The following LILRB2 variants were observed in gnomAD, a reference collection of about 807,000 sequenced individuals.
The protein encoded by LILRB2 is leukocyte immunoglobulin like receptor B2, also known as leukocyte immunoglobulin-like receptor subfamily B member 2.
A neutral mutation model predicts 72.7 loss-of-function variants in LILRB2; 47 were observed. That is an observed-to-expected ratio of 0.65 (90% CI 0.51 to 0.82). The LOEUF (loss-of-function observed/expected upper bound fraction) is 0.82. Among genes scored for constraint, LILRB2 ranks in the 40% least tolerant of loss-of-function variants. The probability of loss-of-function intolerance (pLI) is 0.00; values close to 1 mark genes in which losing one functional copy is unlikely to be tolerated. For synonymous variants in LILRB2, 279 were observed against 313.7 expected, an observed-to-expected ratio of 0.89 and a Z score of 1.17; for missense variants, 767 against 764.8, an observed-to-expected ratio of 1.00 and a Z score of -0.03.
At chr19:54,275,906 G>A (rs766133210) in intron 13 of LILRB2, 45 bp downstream of exon 13, 16 of 1,605,686 alleles carry the variant, frequency 1.0e-5, no homozygotes, top group Admixed American at 1.7e-5. Flanking sequence ...GATTAGATCT[G>A]GCACCAGGAG....
At chr19:54,275,232 C>T (rs1420528232) in intron 13 of LILRB2, 21 of 930,402 alleles carry the variant, frequency 2.3e-5, no homozygotes, top group East Asian at 1.3e-4. Context: ...GTGGTTCTGG[C>T]CTCTGCTCCT....
chr19:54,280,384 G>A (rs1007092262), intron 2 of LILRB2, 79 bp downstream of exon 2: 2 of 1,614,066 alleles, frequency 1.2e-6, no homozygotes, highest in Non-Finnish European at 1.7e-6. Flanking sequence ...AGCCCCTGGG[G>A]TCTCCTTAGG....
chr19:54,280,485 G>C lies in LILRB2; in HGVS notation c.12C>G (p.Ile4Met). MTP[I>M]VTVLICLGLS... ...CACCGAGACAGATCAGGACTGTGACGATGGGGGTCATGGCGTCTCCTCCCA... is the reference window on the plus strand; with the variant it reads ...CACCGAGACAGATCAGGACTGTGACCATGGGGGTCATGGCGTCTCCTCCCA... Residue 4 changes from isoleucine to methionine, a missense_variant, in exon 2 of 14, where the codon ATC becomes ATG. Around this residue, in one of 3 missense-constraint regions of LILRB2, gnomAD observed 599 missense variants for 568.2 expected, o/e 1.05. Transcript: ENST00000314446. The C allele has an allele frequency of 1.2e-6, 2 of 1,613,960 alleles. No homozygotes were observed. Among genetic ancestry groups the C allele is most frequent in the Non-Finnish European group, 1.7e-6 (2 of 1,179,980 alleles).
rs775424770 is a variant in LILRB2 at position 54,280,089 on chromosome 19, AAAGGTCAGATTCG to A, written c.71-27_71-15del. ...TGGGGATGGTCCCTGGAAGGAAATC[AAAGGTCAGATTCG>A]AAGTCATTTCCCACCCAACAGATCT... is the stretch of plus-strand genomic sequence containing the variant. On this transcript the variant is annotated splice_polypyrimidine_tract_variant and intron_variant, in intron 3 of 13. Coordinates refer to ENST00000314446, the MANE Select transcript of LILRB2 (RefSeq NM_001080978.4). The A allele has an allele frequency of 6.2e-7, 1 of 1,613,092 alleles. No individual in the cohort carries two copies. The highest frequency in any genetic ancestry group is 8.5e-7 in the Non-Finnish European group (1 of 1,179,506).
chr19:54,276,932 T>C lies in LILRB2; in HGVS notation c.1358-3A>G. On this transcript the variant is annotated splice_polypyrimidine_tract_variant and splice_region_variant and intron_variant, in intron 9 of 13. Coordinates refer to ENST00000314446, the MANE Select transcript of LILRB2 (RefSeq NM_001080978.4). ...AACCCCCAGGTGCCTTCCCAGACCT[T>C]GAGCACGATGATGTCAGGGATGGGG... The C allele has an allele frequency of 6.2e-7, 1 of 1,612,862 alleles. No individual in the cohort carries two copies. Among genetic ancestry groups the C allele is most frequent in the Non-Finnish European group, 8.5e-7 (1 of 1,179,396 alleles).
Position 54,278,841 on chromosome 19 carries a change from GGGGCCGAGCACTCA to G in LILRB2, c.912_925del (p.Glu305GlnfsTer54), listed in dbSNP as rs2080390932. The G allele has an allele frequency of 2.5e-6, 4 of 1,612,768 alleles. No individual in the cohort carries two copies. Among genetic ancestry groups the G allele is most frequent in the Non-Finnish European group, 3.4e-6 (4 of 1,179,634 alleles). ...GATCAGGATGTCCAGGGGGTCGCTG[GGGGCCGAGCACTCA>G]GAGGAGAGGTTGTGTGCACCGTAGC... is the stretch of plus-strand genomic sequence containing the variant. On this transcript the variant is annotated frameshift_variant, in exon 6 of 14. Transcript: ENST00000314446. LOFTEE classifies it high-confidence loss of function.
intron 13 of LILRB2, chr19:54,275,286 C>T (rs1336742990): frequency 2.6e-4 from 163 of 630,090 alleles, no homozygotes; most frequent in South Asian, 4.8e-4. Flanking sequence ...TGGGCCTTCC[C>T]GCAAGAGCTC....
In LILRB2 at chr19:54,280,046, CAGCCCACAGGGT is replaced by C; in HGVS notation, c.88_99del (p.Thr30_Ala33del). 1 of 1,614,078 alleles carries C rather than the reference CAGCCCACAGGGT, an allele frequency of 6.2e-7. No individual in the cohort carries two copies. Among genetic ancestry groups the C allele is most frequent in the Non-Finnish European group, 8.5e-7 (1 of 1,179,962 alleles). Reference sequence around the variant, plus strand: ...CCCTGGGTGATCACAGAGTCTGGCTCAGCCCACAGGGTGGGCTTGGGGATGGTCCCTGGAAGG... The same window carrying C: ...CCCTGGGTGATCACAGAGTCTGGCTCGGGCTTGGGGATGGTCCCTGGAAGG... On this transcript the variant is annotated inframe_deletion, in exon 4 of 14. Transcript: ENST00000314446.
intron 13 of LILRB2, chr19:54,275,625 A>G (rs546764642): frequency 8.0e-4 from 431 of 541,754 alleles, no homozygotes; most frequent in Admixed American, 1.7e-3. Context: ...CTCCCTGGGA[A>G]CACTCACTGG....
chr19:54,274,426 T>C lies in LILRB2; in HGVS notation c.*257A>G, dbSNP rs907902194. Reference sequence around the variant, plus strand: ...ATATTGTGATTCAGTTTAAAGCACATTCTTACTTCTGATTTTAGTTTTCTC... The same window carrying C: ...ATATTGTGATTCAGTTTAAAGCACACTCTTACTTCTGATTTTAGTTTTCTC... On this transcript the variant is annotated 3_prime_UTR_variant, in exon 14 of 14. Transcript: ENST00000314446. 10 of 584,036 alleles carry C rather than the reference T, an allele frequency of 1.7e-5. No individual in the cohort carries two copies. Among genetic ancestry groups the C allele is most frequent in the African/African-American group, 1.3e-4 (7 of 53,872 alleles). 36.2% of individuals were successfully genotyped at this position (584,036 alleles called of 1,614,324 possible).
chr19:54,277,452 TC>T, intron 9 of LILRB2, 97 bp downstream of exon 9: 1 of 1,513,588 alleles, frequency 6.6e-7, no homozygotes, highest in East Asian at 2.5e-5. Flanking sequence ...GAGGAGCCTG[TC>T]TACATCACCA....
rs376090350 is a variant in LILRB2 at position 54,279,483 on chromosome 19, G to A, written c.520C>T (p.Arg174Cys). The change falls in exon 5 of 14, where the codon CGT becomes TGT. Residue 174 changes from arginine to cysteine, a missense_variant. Arg to Cys is a radical substitution (Grantham distance 180). This residue lies in a region of LILRB2 where 599 missense variants were observed against 568.2 expected (regional missense o/e 1.05). Coordinates refer to ENST00000314446, the MANE Select transcript of LILRB2 (RefSeq NM_001080978.4). Reference protein sequence around the residue: ...PQCLNSQPHARGSSRAIFSVG... With the variant: ...PQCLNSQPHACGSSRAIFSVG... ...GAGAAGATGGCGCGGGACGACCCAC[G>A]GGCATGGGGCTGGGAGTTCAGGCAT... is the stretch of plus-strand genomic sequence containing the variant. The A allele has an allele frequency of 3.6e-5, 58 of 1,614,030 alleles. No individual in the cohort carries two copies. The highest frequency in any genetic ancestry group is 4.8e-5 in the Non-Finnish European group (57 of 1,180,030).
rs527701689 is a variant in LILRB2, at chr19:54,276,282, C to T, written c.1576G>A (p.Ala526Thr). Residue 526 changes from alanine to threonine, a missense_variant, in exon 12 of 14, where the codon GCC (alanine) becomes ACC (threonine). Transcript: ENST00000314446. ...CACTCACAGAGGTTTTCTTCCTGGG[C>T]GTCGGCAGCTGGGCTGGACCTGGGG... is the stretch of plus-strand genomic sequence containing the variant. ...LQWRSSPAAD[A>T]QEENLYAAVK... 90 of 1,614,064 alleles carry T rather than the reference C, an allele frequency of 5.6e-5. No individual in the cohort carries two copies. The highest frequency in any genetic ancestry group is 3.3e-4 in the East Asian group (15 of 44,884).
intron 9 of LILRB2, 187 bp downstream of exon 9, chr19:54,277,363 G>C: frequency 8.3e-7 from 1 of 1,199,732 alleles, no homozygotes; most frequent in Non-Finnish European, 1.2e-6. Context: ...GGTCACAGCT[G>C]GGAGTGAGAG....
At position 54,279,347 on chromosome 19, in the gene LILRB2, G is replaced by A. The variant is rs146286141; in HGVS notation, c.656C>T (p.Pro219Leu). The change falls in exon 5 of 14, where the codon CCA becomes CTA. Residue 219 changes from proline (P) to leucine (L), a missense_variant and splice_region_variant. Coordinates refer to ENST00000314446, the MANE Select transcript of LILRB2 (RefSeq NM_001080978.4). ...AGACAATGCTGTGAATTTCTCACCT[G>A]GGACCAGGAGCTCCAGGAGATCACT... ...SPSDLLELLV[P>L]GVSKKPSLSV... The A allele has an allele frequency of 1.0e-4, 169 of 1,610,632 alleles. No individual in the cohort carries two copies. In the African/African-American group the frequency reaches 1.9e-3, roughly 18 times the overall value.
chr19:54,280,092 G>A lies in LILRB2; in HGVS notation c.71-17C>T, dbSNP rs368892487. 1 of 1,613,068 alleles carries A rather than the reference G, an allele frequency of 6.2e-7. No individual in the cohort carries two copies. The highest frequency in any genetic ancestry group is 8.5e-7 in the Non-Finnish European group (1 of 1,179,386). On this transcript the variant is annotated splice_polypyrimidine_tract_variant and intron_variant, in intron 3 of 13. Coordinates refer to ENST00000314446, the MANE Select transcript of LILRB2 (RefSeq NM_001080978.4). ...GGATGGTCCCTGGAAGGAAATCAAA[G>A]GTCAGATTCGAAGTCATTTCCCACC...
rs561720930 is a variant in LILRB2, at chr19:54,276,261, C to T, written c.1594+3G>A. ...TGGCTGGTCACCTCTTCCTCTCACT[C>T]ACAGAGGTTTTCTTCCTGGGCGTCG... On this transcript the variant is annotated splice_donor_region_variant and intron_variant, in intron 12 of 13. Coordinates refer to ENST00000314446, the MANE Select transcript of LILRB2 (RefSeq NM_001080978.4). The T allele has an allele frequency of 4.3e-6, 7 of 1,614,108 alleles. No individual in the cohort carries two copies. The African/African-American group carries it at 9.3e-5, about 22-fold the overall frequency.
At position 54,279,975 on chromosome 19, in the gene LILRB2, C is replaced by G. The variant is rs759358079; in HGVS notation, c.171G>C (p.Glu57Asp). Residue 57 changes from glutamate (E) to aspartate (D), a missense_variant, in exon 4 of 14, where the codon GAG becomes GAC. Glu to Asp is a conservative substitution (Grantham distance 45). Coordinates refer to ENST00000314446, the MANE Select transcript of LILRB2 (RefSeq NM_001080978.4). ...ATTTTTTCTCCCTATATAGACGGTACTCCTGGGCTTCAAGGCTCCCCTGAC... is the reference window on the plus strand; with the variant it reads ...ATTTTTTCTCCCTATATAGACGGTAGTCCTGGGCTTCAAGGCTCCCCTGAC... The part of the protein sequence containing the change: ...LSCQGSLEAQ[E>D]YRLYREKKSA... The G allele has an allele frequency of 9.9e-6, 16 of 1,613,996 alleles. No homozygotes were observed.
rs749319463 is a variant in LILRB2 at position 54,274,716 on chromosome 19, C to T, written c.1761G>A (p.Glu587=). The T allele has an allele frequency of 2.0e-4, 319 of 1,613,890 alleles. No individual in the cohort carries two copies. The highest frequency in any genetic ancestry group is 2.2e-4 in the Non-Finnish European group (263 of 1,180,010). ...PPSQEREPPA[E]PSIYATLAIH ...TGGCCAGGGTGGCGTAGATGCTGGG[C>T]TCAGCTGGAGGTTCCCTTTCCTGGG... Residue 587 remains glutamate (E), a synonymous_variant, in exon 14 of 14, where the codon GAG becomes GAA. Coordinates refer to ENST00000314446, the MANE Select transcript of LILRB2 (RefSeq NM_001080978.4).
Sources: allele counts gnomAD v4.1 joint callset, GRCh38; gene constraint gnomAD v4.1.1; regional missense constraint gnomAD v4.1.1; transcripts MANE v1.5; gene names NCBI Gene and HGNC (gene_info 2026-07-23, HGNC 2026-07-21).